Variants in TMEM138 observed in about 807,000 individuals in gnomAD.
TMEM138 encodes transmembrane protein 138.
In TMEM138, 9 loss-of-function variants were observed where a neutral mutation model predicts 18.1. That is an observed-to-expected ratio of 0.50 (90% CI 0.30 to 0.87). TMEM138 has a LOEUF of 0.87. Among genes scored for constraint, TMEM138 ranks in the 40% least tolerant of loss-of-function variants. The pLI is 0.06. For missense variants in TMEM138, 189 were observed against 190.6 expected (o/e 0.99, Z 0.05); for synonymous variants, 79 against 74.8 (o/e 1.06, Z -0.29).
chr11:61,367,689 A>C, intron 3 of TMEM138: 1 of 489,424 alleles, frequency 2.0e-6, no homozygotes, highest in Non-Finnish European at 3.7e-6. Context: ...AGGTTATGGA[A>C]TTAAAGAGAA....
downstream of TMEM138, among the ~76,000 whole-genome samples, chr11:61,375,762 A>G (rs546758735): frequency 3.5e-4 from 53 of 152,336 alleles, no homozygotes; most frequent in Non-Finnish European, 7.1e-4. Context: ...TCCTTTAAGC[A>G]ATCAAATTTG....
At chr11:61,375,765 C>G (rs1056630862), downstream of TMEM138, among the ~76,000 whole-genome samples, 2 of 152,176 alleles carry the variant, frequency 1.3e-5, no homozygotes, top group Admixed American at 6.5e-5. Flanking sequence ...TTTAAGCAAT[C>G]AAATTTGACT....
At chr11:61,373,493 A>G (rs1051817231), downstream of TMEM138, among the ~76,000 whole-genome samples, 7 of 152,108 alleles carry the variant, frequency 4.6e-5, no homozygotes, top group Non-Finnish European at 1.0e-4. Context: ...CCTCTCTCAA[A>G]GAATGAAGGT....
chr11:61,370,448 G>A (rs114518617), downstream of TMEM138, among the ~76,000 whole-genome samples: 17 of 152,346 alleles, frequency 1.1e-4, no homozygotes, highest in African/African-American at 3.4e-4. Flanking sequence ...AAGCGTTGAT[G>A]ATAGTGGATA....
rs577272025 is a variant in TMEM138 at position 61,369,018 on chromosome 11, G to A, written c.*309G>A. ...CGAGGGTTCTGTGGCTCTTACCCTT[G>A]TGAAGCTTTTCCTTTAGCCTGGGAC... On this transcript the variant is annotated 3_prime_UTR_variant, in exon 5 of 5. Transcript: ENST00000278826. 3.3e-6 allele frequency: 1 copy of A among 306,574 alleles called. No individual in the cohort carries two copies. The highest frequency in any genetic ancestry group is 2.1e-5 in the African/African-American group (1 of 47,068). The allele number at this position is 306,574 out of a possible 1,614,324, so 19.0% of individuals were successfully genotyped here.
In TMEM138 at chr11:61,364,495, T is replaced by A. The variant is rs1370730016; in HGVS notation, c.105T>A (p.Pro35=). ...NSFSELLQKT[P]VIQLVLFIIQ... is the part of the protein sequence containing the mutation. ...TCTCAGAACTGCTCCAAAAGACTCC[T>A]GTCATCCAGCTTGTGCTCTTCATGT... Residue 35 remains proline, a synonymous_variant, in exon 2 of 5, where the codon CCT becomes CCA. Transcript: ENST00000278826. 6.2e-7 allele frequency: 1 copy of A among 1,614,114 alleles called. No individual in the cohort carries two copies. Among genetic ancestry groups the A allele is most frequent in the Non-Finnish European group, 8.5e-7 (1 of 1,180,046 alleles).
At chr11:61,365,049 G>A (rs894792975) in intron 2 of TMEM138, among the ~76,000 whole-genome samples, 10 of 151,466 alleles carry the variant, frequency 6.6e-5, no homozygotes, top group Admixed American at 2.6e-4. Context: ...TTAGATGGGC[G>A]TGGTGGTGCA....
intron 2 of TMEM138, 118 bp from the exon 3 acceptor site, chr11:61,365,927 A>G: frequency 1.6e-6 from 2 of 1,271,658 alleles, no homozygotes; most frequent in Non-Finnish European, 2.1e-6. Context: ...AGGGTTTAAG[A>G]TGTCAGATGC....
downstream of TMEM138, among the ~76,000 whole-genome samples, chr11:61,373,131 A>G (rs1004734843): frequency 6.6e-6 from 1 of 152,188 alleles, no homozygotes; most frequent in African/African-American, 2.4e-5. Flanking sequence ...CACGCCCGGT[A>G]GAAGATGCCA....
Position 61,368,544 on chromosome 11 carries a change from G to A in TMEM138, c.377-53G>A. The A allele has an allele frequency of 2.3e-6, 3 of 1,321,658 alleles. No homozygotes were observed. In the South Asian group the frequency reaches 3.6e-5, roughly 16 times the overall value. The allele number at this position is 1,321,658 out of a possible 1,614,324, so 81.9% of individuals were successfully genotyped here. A position where few individuals can be genotyped will look rare whatever the true frequency, so the allele number is the denominator to read the frequency against. ...CCTGGCCAGGTTCTGTTCTTAACCT[G>A]AAATGATACTCAGGAGCACCCCTGA... On this transcript the variant is annotated intron_variant, in intron 4 of 4. Transcript: ENST00000278826.
At chr11:61,370,443 T>A (rs1318283439), downstream of TMEM138, among the ~76,000 whole-genome samples, 1 of 152,214 alleles carries the variant, frequency 6.6e-6, no homozygotes, top group African/African-American at 2.4e-5. Context: ...GACTAAAGCG[T>A]TGATGATAGT....
downstream of TMEM138, among the ~76,000 whole-genome samples, chr11:61,371,608 G>A (rs537804197): frequency 4.6e-5 from 7 of 152,264 alleles, no homozygotes; most frequent in South Asian, 2.1e-4. Flanking sequence ...AAAGAAAGCC[G>A]AACTCTAAAA....
downstream of TMEM138, among the ~76,000 whole-genome samples, chr11:61,374,759 G>T (rs555325126): frequency 6.6e-6 from 1 of 152,140 alleles, no homozygotes; most frequent in Non-Finnish European, 1.5e-5. Context: ...AACCATCCTG[G>T]CCAACAAGGT....
intron 3 of TMEM138, chr11:61,366,449 A>G (rs995208671): frequency 1.3e-5 from 6 of 455,492 alleles, no homozygotes; most frequent in Non-Finnish European, 2.3e-5. Context: ...GGCTAGGAAT[A>G]ACTTTTCTTT....
chr11:61,367,078 C>G (rs1209381844), intron 3 of TMEM138: 1 of 152,194 alleles, frequency 6.6e-6, no homozygotes, highest in Non-Finnish European at 1.5e-5. Context: ...ATCAGTGCCC[C>G]ATGGCTAATG....
downstream of TMEM138, among the ~76,000 whole-genome samples, chr11:61,370,023 G>C (rs1041077066): frequency 6.6e-5 from 10 of 152,208 alleles, no homozygotes; most frequent in Admixed American, 3.3e-4. Context: ...AAAAGAATTT[G>C]CCGACAAGGC....
intron 3 of TMEM138, 83 bp downstream of exon 3, chr11:61,366,299 A>C: frequency 2.8e-5 from 41 of 1,463,374 alleles, no homozygotes; most frequent in Non-Finnish European, 3.4e-5. Flanking sequence ...GGCTGGTCTC[A>C]AACTCCTGAG....
Position 61,366,230 on chromosome 11 carries a change from T to C in TMEM138, c.300+14T>C, listed in dbSNP as rs1858147223. The C allele has an allele frequency of 6.3e-7, 1 of 1,592,816 alleles. No individual in the cohort carries two copies. The highest frequency in any genetic ancestry group is 1.4e-5 in the African/African-American group (1 of 73,160). On this transcript the variant is annotated intron_variant, in intron 3 of 4. Transcript: ENST00000278826. ...GTCTGGGTCATGGTAAGAGTGGCAG[T>C]CTGAATTCTTTTTTTAATTTTTATT...
intron 2 of TMEM138, 146 bp from the exon 3 acceptor site, chr11:61,365,899 A>G: frequency 1.9e-6 from 2 of 1,048,724 alleles, no homozygotes; most frequent in Non-Finnish European, 2.6e-6. Flanking sequence ...AGGTCCCAAA[A>G]CCCATGTTAT....
Sources: allele counts gnomAD v4.1 joint callset (sites outside exome capture counted in the v4.1 genomes callset), GRCh38; gene constraint gnomAD v4.1.1; transcripts MANE v1.5; gene names NCBI Gene and HGNC (gene_info 2026-07-23, HGNC 2026-07-21).